Variants in CADM2 observed in about 807,000 individuals in gnomAD.
The protein encoded by CADM2 is immunoglobulin superfamily member 4D.
A neutral mutation model predicts 49.8 loss-of-function variants in CADM2; 12 were observed. The observed-to-expected ratio is 0.24, with a 90% CI of 0.15 to 0.39. The LOEUF (loss-of-function observed/expected upper bound fraction) is 0.39. Among genes scored for constraint, CADM2 ranks in the 10% least tolerant of loss-of-function variants. The pLI is 1.00. For synonymous variants in CADM2, 214 were observed against 175.4 expected, an observed-to-expected ratio of 1.22 and a Z score of -1.74; for missense variants, 378 against 492.3, an observed-to-expected ratio of 0.77 and a Z score of 2.20.
chr3:85,611,579 A>G (rs2063683312), intron 1 of CADM2, among the ~76,000 whole-genome samples: 1 of 151,954 alleles, frequency 6.6e-6, no homozygotes, highest in Admixed American at 6.6e-5. Context: ...ATAATTTAAA[A>G]GTGTTACTGA....
chr3:85,181,537 A>T (rs368647854), intron 1 of CADM2, among the ~76,000 whole-genome samples: 1 of 152,118 alleles, frequency 6.6e-6, no homozygotes, highest in African/African-American at 2.4e-5. Flanking sequence ...AGAATCTGCC[A>T]TGTAAATTGA....
chr3:85,107,631 T>TTTTCTTTC lies in CADM2; in HGVS notation c.61+147983_61+147990dup, dbSNP rs371715710. 5.8e-3 allele frequency among the ~76,000 whole-genome samples: 802 copies of TTTTCTTTC among 137,930 alleles called. 9 individuals carry two copies. The highest frequency in any genetic ancestry group is 0.019 in the Middle Eastern group (5 of 268). The allele number at this position is 137,930 out of a possible 152,430, so 90.5% of individuals were successfully genotyped here. A position where few individuals can be genotyped will look rare whatever the true frequency, so the allele number is the denominator to read the frequency against. On this transcript the variant is annotated intron_variant, in intron 1 of 9. Transcript: ENST00000383699. ...TCTTTTTCTTTCTTTCTTTCTTTCT[T>TTTTCTTTC]TTTCTTTCTTTCTTTCTTTCTTTCT...
At chr3:85,055,744 A>G (rs964717624) in intron 1 of CADM2, among the ~76,000 whole-genome samples, 1 of 151,938 alleles carries the variant, frequency 6.6e-6, no homozygotes. Flanking sequence ...AGACTGATAC[A>G]TTTCTATTAC....
chr3:85,944,660 C>T (rs1358333343), intron 7 of CADM2, among the ~76,000 whole-genome samples: 2 of 151,960 alleles, frequency 1.3e-5, no homozygotes, highest in African/African-American at 4.8e-5. Context: ...AACAAACAAC[C>T]TGCTCCTGAA....
At chr3:85,971,012 A>T (rs143598085) in intron 8 of CADM2, among the ~76,000 whole-genome samples, 3 of 151,768 alleles carry the variant, frequency 2.0e-5, no homozygotes, top group African/African-American at 4.8e-5. Flanking sequence ...TCATAAGGAT[A>T]TTATATTTAA....
chr3:85,121,003 C>G (rs1287143581), intron 1 of CADM2, among the ~76,000 whole-genome samples: 2 of 152,060 alleles, frequency 1.3e-5, no homozygotes, highest in Non-Finnish European at 2.9e-5. Flanking sequence ...AAGTCATCAC[C>G]TAGAATCCAG....
chr3:85,325,213 A>G lies in CADM2; in HGVS notation c.61+365545A>G, dbSNP rs563313921. On this transcript the variant is annotated intron_variant, in intron 1 of 9. Coordinates refer to ENST00000383699, the MANE Select transcript of CADM2 (RefSeq NM_001167675.2). Reference sequence around the variant, plus strand: ...GATCTTCAACATCCTTTTCCATAAAAGGAAAGAATTCCATTTCCATAAATT... The same window carrying G: ...GATCTTCAACATCCTTTTCCATAAAGGGAAAGAATTCCATTTCCATAAATT... Among the ~76,000 whole-genome samples, 9 of 152,346 alleles carry G rather than the reference A, an allele frequency of 5.9e-5. No homozygotes were observed. The East Asian group carries it at 1.4e-3, about 23-fold the overall frequency.
chr3:85,957,654 C>A (rs991155528), intron 7 of CADM2, among the ~76,000 whole-genome samples: 1 of 151,732 alleles, frequency 6.6e-6, no homozygotes, highest in Non-Finnish European at 1.5e-5. Context: ...ACAAGATTGC[C>A]TCCCATTTCA....
chr3:85,610,378 A>G (rs1405912507), intron 1 of CADM2, among the ~76,000 whole-genome samples: 2 of 152,052 alleles, frequency 1.3e-5, no homozygotes, highest in Non-Finnish European at 2.9e-5. Context: ...TAAACAATTA[A>G]TGGTGTCAAA....
intron 8 of CADM2, among the ~76,000 whole-genome samples, chr3:86,055,681 C>T (rs1050976471): frequency 1.3e-5 from 2 of 151,888 alleles, no homozygotes; most frequent in Admixed American, 6.6e-5. Context: ...ATAACTCTCA[C>T]GACCTAATCA....
intron 1 of CADM2, among the ~76,000 whole-genome samples, chr3:85,120,032 G>A (rs760396025): frequency 6.6e-6 from 1 of 152,148 alleles, no homozygotes; most frequent in Non-Finnish European, 1.5e-5. Context: ...CAAAGGATAT[G>A]AACAGACATT....
chr3:85,369,382 C>T (rs1054372993), intron 1 of CADM2, among the ~76,000 whole-genome samples: 1 of 152,176 alleles, frequency 6.6e-6, no homozygotes, highest in African/African-American at 2.4e-5. Flanking sequence ...CCTGTAATCC[C>T]AAAAGTTCAG....
intron 2 of CADM2, among the ~76,000 whole-genome samples, chr3:85,735,483 T>C (rs1439619164): frequency 6.6e-6 from 1 of 152,156 alleles, no homozygotes; most frequent in African/African-American, 2.4e-5. Context: ...ATTTTTGGTA[T>C]CCTTCAAGTG....
chr3:85,679,451 T>A (rs970034174), intron 1 of CADM2, among the ~76,000 whole-genome samples: 1 of 152,138 alleles, frequency 6.6e-6, no homozygotes, highest in Non-Finnish European at 1.5e-5. Context: ...ATGTTGTAGT[T>A]CCCATGAGGA....
At chr3:85,869,554 TG>T (rs1559711928) in intron 3 of CADM2, among the ~76,000 whole-genome samples, 1 of 152,144 alleles carries the variant, frequency 6.6e-6, no homozygotes, top group Non-Finnish European at 1.5e-5. Flanking sequence ...CTAATTTTTG[TG>T]GGGTCTCAGA....
chr3:85,202,385 A>G (rs1327652786), intron 1 of CADM2, among the ~76,000 whole-genome samples: 1 of 152,124 alleles, frequency 6.6e-6, no homozygotes, highest in Non-Finnish European at 1.5e-5. Flanking sequence ...GAAAGTGGAA[A>G]TTACTCCTTG....
intron 1 of CADM2, among the ~76,000 whole-genome samples, chr3:85,571,974 A>G (rs1005772325): frequency 5.3e-5 from 8 of 152,164 alleles, no homozygotes; most frequent in Non-Finnish European, 8.8e-5. Flanking sequence ...ACAATTACTA[A>G]CAAGCCAGGT....
rs542983449 is a variant in CADM2 at position 85,291,800 on chromosome 3, G to C, written c.61+332132G>C. ...GCTCCTGAAGGAAGTGCTAAATATG[G>C]AAAGGAAAAACTGGTACCAGCCGCT... On this transcript the variant is annotated intron_variant, in intron 1 of 9. Coordinates refer to ENST00000383699, the MANE Select transcript of CADM2 (RefSeq NM_001167675.2). Among the ~76,000 whole-genome samples, 25 of 147,772 alleles carry C rather than the reference G, an allele frequency of 1.7e-4. 3 individuals are homozygous for C. Among genetic ancestry groups the C allele is most frequent in the Admixed American group, 4.0e-4 (6 of 15,126 alleles).
chr3:85,534,752 A>G (rs1164089392), intron 1 of CADM2, among the ~76,000 whole-genome samples: 1 of 152,022 alleles, frequency 6.6e-6, no homozygotes, highest in African/African-American at 2.4e-5. Context: ...CATTCTTTTA[A>G]TTTTCATGTA....
Sources: gnomAD v4.1 joint callset for allele counts (sites outside exome capture counted in the v4.1 genomes callset) on GRCh38, gnomAD v4.1.1 for gene constraint, MANE v1.5 for transcripts, NCBI Gene and HGNC (gene_info 2026-07-23, HGNC 2026-07-21) for gene names.